ABCC11: variants seen among roughly 807,000 people sequenced by gnomAD.
ABCC11 encodes ATP-binding cassette sub-family C member 11.
ABCC11 carries 135 observed loss-of-function variants against 149.3 expected under a neutral mutation model. That is an observed-to-expected ratio of 0.90 (90% CI 0.79 to 1.04). The LOEUF is 1.04. ABCC11 is among the 50% of genes least tolerant of loss of function. The probability of loss-of-function intolerance (pLI) is 0.00; values close to 1 mark genes in which losing one functional copy is unlikely to be tolerated. For missense variants in ABCC11, 1,680 were observed against 1,722.1 expected (o/e 0.98, Z 0.43); for synonymous variants, 665 against 671.4 (o/e 0.99, Z 0.15).
chr16:48,208,679 AG>A (rs1416948891), intron 11 of ABCC11, among the ~76,000 whole-genome samples, 183 bp from the exon 12 acceptor site: 1 of 152,170 alleles, frequency 6.6e-6, no homozygotes, highest in Non-Finnish European at 1.5e-5. Context: ...CCCTGGAGGC[AG>A]GTGGGGTGAC....
Position 48,203,239 on chromosome 16 carries a change from C to A in ABCC11, c.1867G>T (p.Asp623Tyr). 6.3e-7 allele frequency: 1 copy of A among 1,576,596 alleles called. No homozygotes were observed. Among genetic ancestry groups the A allele is most frequent in the South Asian group, 1.2e-5 (1 of 85,734 alleles). Residue 623 changes from aspartate to tyrosine, a missense_variant, in exon 14 of 30, where the codon GAC (aspartate) becomes TAC (tyrosine). Transcript: ENST00000356608. Reference protein sequence around the residue: ...NRDLELLPFGDMTEIGERGLN... With the variant: ...NRDLELLPFGYMTEIGERGLN... The stretch of plus-strand genomic sequence containing the variant: ...CGCCTCCCTCTCACCTCTGTCATGT[C>A]TCCAAAGGGCAGAAGTTCCAGGTCC...
chr16:48,195,789 T>A (rs914640763), intron 18 of ABCC11, among the ~76,000 whole-genome samples: 7 of 152,226 alleles, frequency 4.6e-5, no homozygotes, highest in Non-Finnish European at 7.3e-5. Context: ...CTATTTCATG[T>A]CTTTCAGTGC....
At chr16:48,217,167 A>G (rs1390781646) in intron 6 of ABCC11, among the ~76,000 whole-genome samples, 2 of 152,108 alleles carry the variant, frequency 1.3e-5, no homozygotes, top group Non-Finnish European at 2.9e-5. Context: ...AACACCACTA[A>G]TATCTATATT....
intron 3 of ABCC11, among the ~76,000 whole-genome samples, chr16:48,229,119 G>A (rs899326488): frequency 6.6e-6 from 1 of 152,086 alleles, no homozygotes; most frequent in African/African-American, 2.4e-5. Flanking sequence ...CATTGCCAGG[G>A]ATATTGGAGC....
At chr16:48,178,511 C>G (rs1259517100) in intron 24 of ABCC11, 86 bp downstream of exon 24, 28 of 1,318,120 alleles carry the variant, frequency 2.1e-5, no homozygotes, top group Non-Finnish European at 3.0e-5. Context: ...TCTCAGGGCT[C>G]TGAGGCCAGT....
At position 48,192,560 on chromosome 16, in the gene ABCC11, CT is replaced by C; in HGVS notation, c.2665del (p.Arg889GlyfsTer20). 6.2e-7 allele frequency: 1 copy of C among 1,614,268 alleles called. No individual in the cohort carries two copies. Among genetic ancestry groups the C allele is most frequent in the Non-Finnish European group, 8.5e-7 (1 of 1,180,056 alleles). ...CSSGIFTKVT[R>X]KASTALHNKL... ...GTTGTGCAGGGCCGTGGATGCCTTC[CT>C]CGTGACCTTGGTGAAAATCCCTGAG... On this transcript the variant is annotated frameshift_variant, in exon 20 of 30. Transcript: ENST00000356608. LOFTEE classifies it high-confidence loss of function.
intron 1 of ABCC11, among the ~76,000 whole-genome samples, chr16:48,243,993 G>GAATAAATAAATAAATAAATA (rs748559863): frequency 0.02 from 3,092 of 150,898 alleles, 27 homozygotes; most frequent in African/African-American, 0.024. Flanking sequence ...ATCTGTCTCA[G>GAATAAATAAATAAATAAATA]AATAAATAAA....
At chr16:48,175,539 G>A (rs1010431292) in intron 25 of ABCC11, 122 bp from the exon 26 acceptor site, 39 of 1,191,506 alleles carry the variant, frequency 3.3e-5, no homozygotes, top group Non-Finnish European at 4.5e-5. Flanking sequence ...ATCACTGTGA[G>A]CCCTGAAGGG....
intron 20 of ABCC11, among the ~76,000 whole-genome samples, chr16:48,188,877 T>C (rs1182049594): frequency 1.3e-5 from 2 of 152,322 alleles, no homozygotes; most frequent in Non-Finnish European, 1.5e-5. Context: ...GCCAATGGCA[T>C]TTATTAAAGC....
At chr16:48,217,155 G>A (rs1969399819) in intron 6 of ABCC11, among the ~76,000 whole-genome samples, 1 of 152,006 alleles carries the variant, frequency 6.6e-6, no homozygotes, top group South Asian at 2.1e-4. Context: ...CTTTTGCTTG[G>A]TAACACCACT....
chr16:48,225,632 T>C (rs1248451157), intron 4 of ABCC11, among the ~76,000 whole-genome samples: 1 of 152,038 alleles, frequency 6.6e-6, no homozygotes, highest in Non-Finnish European at 1.5e-5. Context: ...AGGTGATGAG[T>C]GTACTTCCTG....
intron 8 of ABCC11, 44 bp downstream of exon 8, chr16:48,215,153 C>T (rs1309726015): frequency 1.3e-6 from 2 of 1,596,944 alleles, no homozygotes; most frequent in African/African-American, 2.7e-5. Context: ...CTCGGCTTAC[C>T]ATGCCATCAC....
chr16:48,186,895 C>T, intron 22 of ABCC11, 58 bp downstream of exon 22: 1 of 1,597,412 alleles, frequency 6.3e-7, no homozygotes, highest in Non-Finnish European at 8.5e-7. Context: ...CCATTCTTTC[C>T]CTGCTCCCCA....
At chr16:48,201,607 C>T (rs567241974) in intron 14 of ABCC11, among the ~76,000 whole-genome samples, 118 of 151,078 alleles carry the variant, frequency 7.8e-4, no homozygotes, top group African/African-American at 2.7e-3. Flanking sequence ...TGGCCTTATT[C>T]AGGTTTTTAA....
chr16:48,209,332 A>C (rs1163722358), intron 11 of ABCC11: 1 of 152,292 alleles, frequency 6.6e-6, no homozygotes, highest in East Asian at 1.9e-4. Flanking sequence ...AGCTGCCCCC[A>C]ATCTTTTTGG....
At position 48,170,121 on chromosome 16, in the gene ABCC11, A is replaced by G. The variant is rs2150710187; in HGVS notation, c.3875T>C (p.Val1292Ala). The G allele has an allele frequency of 6.2e-7, 1 of 1,614,002 alleles. No individual in the cohort carries two copies. Among genetic ancestry groups the G allele is most frequent in the African/African-American group, 1.3e-5 (1 of 75,028 alleles). The change falls in exon 28 of 30, where the codon GTG becomes GCG. Residue 1292 changes from valine (V) to alanine (A), a missense_variant. Transcript: ENST00000356608. The part of the protein sequence containing the change: ...ERQLLCIARA[V>A]LRNSKIILID... ...TGGCCTCACCTTGGAGTTGCGAAGC[A>G]CAGCCCTGGCAATGCAGAGCAGCTG... is the stretch of plus-strand genomic sequence containing the variant.
At chr16:48,208,527 G>A (rs1428166280) in intron 11 of ABCC11, 31 bp from the exon 12 acceptor site, 1 of 1,613,112 alleles carries the variant, frequency 6.2e-7, no homozygotes, top group African/African-American at 1.3e-5. Context: ...ACAAGTGTTG[G>A]GACAGCATAG....
Position 48,187,215 on chromosome 16 carries a change from GC to G in ABCC11, c.2918del (p.Cys973SerfsTer6). On this transcript the variant is annotated frameshift_variant, in exon 21 of 30. Transcript: ENST00000356608. LOFTEE classifies it high-confidence loss of function. ...LLMGAIIMVI[C>X]FIYYMMFKKA... ...AACCTACTCACATATAATAAATGAAGCAAATAACCATGATTATGGCTCCCAT... is the reference window on the plus strand; with the variant it reads ...AACCTACTCACATATAATAAATGAAGAAATAACCATGATTATGGCTCCCAT... The G allele has an allele frequency of 1.2e-6, 2 of 1,614,026 alleles. No individual in the cohort carries two copies. The highest frequency in any genetic ancestry group is 1.7e-6 in the Non-Finnish European group (2 of 1,180,000).
At chr16:48,171,940 G>A (rs1965748364) in intron 26 of ABCC11, among the ~76,000 whole-genome samples, 1 of 152,128 alleles carries the variant, frequency 6.6e-6, no homozygotes, top group Admixed American at 6.5e-5. Flanking sequence ...TCTAGCCTGG[G>A]TGACAGAGTG....
Sources: allele counts gnomAD v4.1 joint callset (sites outside exome capture counted in the v4.1 genomes callset), GRCh38; gene constraint gnomAD v4.1.1; transcripts MANE v1.5; gene names NCBI Gene and HGNC (gene_info 2026-07-23, HGNC 2026-07-21).